GRK7: variants seen among roughly 807,000 people sequenced by gnomAD.
GRK7 encodes the protein G protein-coupled receptor kinase 7, also known as rhodopsin kinase GRK7.
Under a neutral mutation model 34.1 loss-of-function variants are expected in GRK7, and 24 were observed. The ratio of observed to expected loss-of-function variants is 0.70; its 90% CI spans 0.51 to 0.99. GRK7 has a LOEUF of 0.99. GRK7 is among the 50% of genes least tolerant of loss of function. GRK7 has a pLI of 0.00. For missense variants in GRK7, 644 were observed against 707.3 expected, an observed-to-expected ratio of 0.91 and a Z score of 1.02; for synonymous variants, 256 against 279.4, an observed-to-expected ratio of 0.92 and a Z score of 0.84.
chr3:141,793,013 A>G (rs925376959), intron 4 of GRK7, among the ~76,000 whole-genome samples: 3 of 152,196 alleles, frequency 2.0e-5, no homozygotes, highest in African/African-American at 7.2e-5. Context: ...ACGTGCTGGG[A>G]GTGTGGCTCA....
rs2107898956 is a variant in GRK7, at chr3:141,816,783, C to T, written c.1395C>T (p.Gly465=). Residue 465 remains glycine (G), a synonymous_variant, in exon 6 of 6, where the codon GGC becomes GGT. Coordinates refer to ENST00000682958, the MANE Select transcript of GRK7 (RefSeq NM_139209.3). ...TCAACTTTCCTCGCCTGGAAGCTGG[C>T]CTAATTGAACCCCCATTTGTGCCAG... ...KTINFPRLEA[G]LIEPPFVPDP... is the part of the protein sequence containing the mutation. 6.3e-7 allele frequency: 1 copy of T among 1,593,068 alleles called. No homozygotes were observed. Among genetic ancestry groups the T allele is most frequent in the Non-Finnish European group, 8.6e-7 (1 of 1,168,234 alleles).
chr3:141,751,348 G>C, the GRK7 span, among the ~76,000 whole-genome samples: 1 of 151,800 alleles, frequency 6.6e-6, no homozygotes, highest in East Asian at 1.9e-4. Context: ...TGCTATATAT[G>C]GGGCTTCACC....
upstream of GRK7, among the ~76,000 whole-genome samples, chr3:141,758,885 G>A (rs2084542038): frequency 6.6e-6 from 1 of 151,106 alleles, no homozygotes; most frequent in African/African-American, 2.4e-5. Context: ...CTTGTAAGTT[G>A]GATTCCTAAG....
the GRK7 span, among the ~76,000 whole-genome samples, chr3:141,753,129 C>T: frequency 6.6e-6 from 1 of 152,220 alleles, no homozygotes; most frequent in Non-Finnish European, 1.5e-5. Context: ...CAGTCTGGCT[C>T]TGGAATCCAC....
At chr3:141,803,658 C>T (rs185349662) in intron 4 of GRK7, among the ~76,000 whole-genome samples, 1 of 152,210 alleles carries the variant, frequency 6.6e-6, no homozygotes, top group East Asian at 1.9e-4. Context: ...TTGTGACTAG[C>T]TTCTTCCATT....
At chr3:141,769,872 G>C (rs2084609016) in intron 1 of GRK7, among the ~76,000 whole-genome samples, 1 of 152,134 alleles carries the variant, frequency 6.6e-6, no homozygotes, top group African/African-American at 2.4e-5. Context: ...CTGCCATAAT[G>C]AATTATCACA....
the GRK7 span, among the ~76,000 whole-genome samples, chr3:141,753,419 C>T: frequency 1.3e-5 from 2 of 152,168 alleles, no homozygotes; most frequent in Middle Eastern, 3.2e-3. Context: ...GACAATTTTT[C>T]CACAGTGGGG....
rs2084571896 is a variant in GRK7, at chr3:141,764,716, A to G, written c.-1237A>G. Among the ~76,000 whole-genome samples the G allele has an allele frequency of 6.6e-6, 1 of 152,148 alleles. No individual in the cohort carries two copies. The highest frequency in any genetic ancestry group is 1.5e-5 in the Non-Finnish European group (1 of 68,030). On this transcript the variant is annotated 5_prime_UTR_variant, in exon 1 of 6. Transcript: ENST00000682958. Reference sequence around the variant, plus strand: ...GCCCTCTCCTGTGGGTTCCAGACCCATAGATCTTGTAGACTACTCAAGACC... The same window carrying G: ...GCCCTCTCCTGTGGGTTCCAGACCCGTAGATCTTGTAGACTACTCAAGACC...
rs138139390 is a variant in GRK7, at chr3:141,816,770, G to A, written c.1382G>A (p.Arg461His). The change falls in exon 6 of 6, where the codon CGC (arginine) becomes CAC (histidine). Residue 461 changes from arginine to histidine, a missense_variant. Transcript: ENST00000682958. Reference sequence around the variant, plus strand: ...TTCTTTAAAACGATCAACTTTCCTCGCCTGGAAGCTGGCCTAATTGAACCC... The same window carrying A: ...TTCTTTAAAACGATCAACTTTCCTCACCTGGAAGCTGGCCTAATTGAACCC... ...HHFFKTINFP[R>H]LEAGLIEPPF... 240 of 1,574,886 alleles carry A rather than the reference G, an allele frequency of 1.5e-4. No homozygotes were observed. The highest frequency in any genetic ancestry group is 8.6e-4 in the South Asian group (73 of 85,214).
At chr3:141,803,429 A>G (rs1710991802) in intron 4 of GRK7, among the ~76,000 whole-genome samples, 1 of 151,856 alleles carries the variant, frequency 6.6e-6, no homozygotes, top group Non-Finnish European at 1.5e-5. Flanking sequence ...CAAAAAAAAA[A>G]ATTACTGGTT....
intron 5 of GRK7, among the ~76,000 whole-genome samples, chr3:141,813,283 G>T (rs1163843188): frequency 1.3e-5 from 2 of 152,004 alleles, no homozygotes; most frequent in Non-Finnish European, 2.9e-5. Flanking sequence ...GTGCCACCAC[G>T]CCTGACTAAT....
Position 141,810,152 on chromosome 3 carries a change from C to T in GRK7, c.1325+2233C>T, listed in dbSNP as rs532274259. Among the ~76,000 whole-genome samples the T allele has an allele frequency of 6.6e-5, 10 of 152,334 alleles. No individual in the cohort carries two copies. The South Asian group carries it at 2.1e-3, about 32-fold the overall frequency. On this transcript the variant is annotated intron_variant, in intron 5 of 5. Transcript: ENST00000682958. ...CCAGAAGAAACGGTAATTCTGCCAG[C>T]AAACCACCTTTGGAGTCAAACTGCA...
chr3:141,757,147 CTTTTTT>C, the GRK7 span, among the ~76,000 whole-genome samples: 1 of 89,456 alleles, frequency 1.1e-5, no homozygotes, highest in Non-Finnish European at 2.2e-5. Context: ...TTTTTTTTTT[CTTTTTT>C]TTTTTTTTAT....
At chr3:141,804,271 T>A (rs1711001142) in intron 4 of GRK7, among the ~76,000 whole-genome samples, 1 of 152,126 alleles carries the variant, frequency 6.6e-6, no homozygotes, top group Non-Finnish European at 1.5e-5. Flanking sequence ...TCATCTGGGA[T>A]TTCGTGATAG....
Position 141,780,435 on chromosome 3 carries a change from A to G in GRK7, c.674A>G (p.Lys225Arg), listed in dbSNP as rs763560113. 1.2e-6 allele frequency: 2 copies of G among 1,614,258 alleles called. No homozygotes were observed. The highest frequency in any genetic ancestry group is 2.2e-5 in the South Asian group (2 of 91,090). The change falls in exon 4 of 6, where the codon AAG (lysine) becomes AGG (arginine). Residue 225 changes from lysine (K) to arginine (R), a missense_variant. Transcript: ENST00000682958. Reference protein sequence around the residue: ...KMYACKKLDKKRLKKKGGEKM... With the variant: ...KMYACKKLDKRRLKKKGGEKM... ...TATGCCTGTAAGAAACTGGACAAGA[A>G]GCGGCTGAAGAAGAAAGGTGGCGAG...
chr3:141,786,552 C>T (rs2084697229), intron 4 of GRK7, among the ~76,000 whole-genome samples: 1 of 151,858 alleles, frequency 6.6e-6, no homozygotes, highest in African/African-American at 2.4e-5. Flanking sequence ...CTGAGGCAGG[C>T]AGATCATGAT....
the GRK7 span, among the ~76,000 whole-genome samples, chr3:141,753,813 C>G: frequency 0.37 from 56,049 of 152,162 alleles, 13,349 homozygotes; most frequent in African/African-American, 0.68. Context: ...GTAAAAAATA[C>G]TATATTAACA....
chr3:141,801,815 T>C (rs1710971854), intron 4 of GRK7, among the ~76,000 whole-genome samples: 2 of 152,152 alleles, frequency 1.3e-5, no homozygotes, highest in African/African-American at 4.8e-5. Flanking sequence ...TGGATAATTG[T>C]TGAAGCCAGG....
chr3:141,815,363 T>C (rs957295959), intron 5 of GRK7, among the ~76,000 whole-genome samples: 2 of 152,198 alleles, frequency 1.3e-5, no homozygotes, highest in Admixed American at 1.3e-4. Flanking sequence ...TTTTTTCATA[T>C]GTTTGTTGTC....
Sources: allele counts gnomAD v4.1 joint callset (sites outside exome capture counted in the v4.1 genomes callset), GRCh38; gene constraint gnomAD v4.1.1; transcripts MANE v1.5; gene names NCBI Gene and HGNC (gene_info 2026-07-23, HGNC 2026-07-21).